The following CDAN1 variants were observed in gnomAD, a reference collection of about 807,000 sequenced individuals.
CDAN1 encodes the protein codanin 1.
A neutral mutation model predicts 139.8 loss-of-function variants in CDAN1; 107 were observed. That is an observed-to-expected ratio of 0.77 (90% CI 0.65 to 0.90). The LOEUF is 0.90. CDAN1 is among the 40% of genes least tolerant of loss of function. The pLI is 0.00. For missense variants in CDAN1, 1,667 were observed against 1,575.7 expected, an observed-to-expected ratio of 1.06 and a Z score of -0.98; for synonymous variants, 776 against 660.6, an observed-to-expected ratio of 1.17 and a Z score of -2.68.
Position 42,730,756 on chromosome 15 carries a change from C to T in CDAN1, c.2016G>A (p.Pro672=), listed in dbSNP as rs371799686. Residue 672 remains proline, a synonymous_variant, in exon 14 of 28, where the codon CCG becomes CCA. Transcript: ENST00000356231. Reference sequence around the variant, plus strand: ...GCAGCAGAGTCCGCACATCCAGGACCGGAGGGACCTGGGAGGGCCAGAGCT... The same window carrying T: ...GCAGCAGAGTCCGCACATCCAGGACTGGAGGGACCTGGGAGGGCCAGAGCT... The part of the protein sequence containing the change: ...SILALRSQVP[P]VLDVRTLLQR... 378 of 1,612,032 alleles carry T rather than the reference C, an allele frequency of 2.3e-4. No individual in the cohort carries two copies. The highest frequency in any genetic ancestry group is 2.9e-4 in the Non-Finnish European group (343 of 1,179,014).
In CDAN1 at chr15:42,731,625, G is replaced by A; in HGVS notation, c.1734C>T (p.Ala578=). The change falls in exon 11 of 28, where the codon GCC becomes GCT. Residue 578 remains alanine, a synonymous_variant. Transcript: ENST00000356231. The part of the protein sequence containing the change: ...QGFFRDFILS[A]SSFQFNQHLM... ...CAAGACACAGGGGAGCCTACCTGCT[G>A]GCACTAAGGATGAAGTCCCTAAAGA... 1.9e-6 allele frequency: 3 copies of A among 1,613,998 alleles called. No individual in the cohort carries two copies. The highest frequency in any genetic ancestry group is 2.2e-5 in the East Asian group (1 of 44,880).
intron 18 of CDAN1, 38 bp from the exon 19 acceptor site, chr15:42,729,164 G>A (rs2061574176): frequency 6.2e-7 from 1 of 1,613,184 alleles, no homozygotes; most frequent in African/African-American, 1.3e-5. Context: ...GCTTCCTCCA[G>A]CCTCCCTGTC....
intron 8 of CDAN1, 83 bp from the exon 9 acceptor site, chr15:42,733,269 A>G (rs1441782808): frequency 9.3e-7 from 1 of 1,069,544 alleles, no homozygotes. Flanking sequence ...TCCGTAGCCC[A>G]CCCACCACCT....
chr15:42,724,929 G>A, intron 27 of CDAN1: 1 of 641,238 alleles, frequency 1.6e-6, no homozygotes, highest in Non-Finnish European at 2.8e-6. Context: ...ATAATGGGCT[G>A]TGCTGCTTTC....
intron 23 of CDAN1, chr15:42,726,917 G>A (rs1327257259): frequency 1.7e-5 from 3 of 177,030 alleles, no homozygotes; most frequent in Admixed American, 1.6e-4. Context: ...TTTAGTCATT[G>A]TACCTTATAG....
chr15:42,731,508 C>A, intron 11 of CDAN1, 112 bp downstream of exon 11: 1 of 1,428,696 alleles, frequency 7.0e-7, no homozygotes, highest in Non-Finnish European at 9.9e-7. Flanking sequence ...CAAGTTGGAG[C>A]TGGAAGGAGC....
chr15:42,733,835 C>CGAG, intron 8 of CDAN1, 103 bp downstream of exon 8: 1 of 854,484 alleles, frequency 1.2e-6, no homozygotes, highest in Admixed American at 2.0e-5. Context: ...ACTAACCCAC[C>CGAG]ACCTGTTGGT....
In CDAN1 at chr15:42,734,040, A is replaced by G. The variant is rs1422155038; in HGVS notation, c.1265T>C (p.Leu422Pro). 1 of 1,613,372 alleles carries G rather than the reference A, an allele frequency of 6.2e-7. No individual in the cohort carries two copies. Among genetic ancestry groups the G allele is most frequent in the Non-Finnish European group, 8.5e-7 (1 of 1,179,250 alleles). Residue 422 changes from leucine (L) to proline (P), a missense_variant, in exon 8 of 28, where the codon CTG becomes CCG. Physicochemically the swap from Leu to Pro is moderately conservative, Grantham distance 98. Around this residue, in one of 3 missense-constraint regions of CDAN1, gnomAD observed 244 missense variants for 309.4 expected, o/e 0.79. Transcript: ENST00000356231. The stretch of plus-strand genomic sequence containing the variant: ...AGCTTGAGTAGAGGGAGGCATCACC[A>G]GAGAGACCTAAAATACAGCAGGAAC... Reference protein sequence around the residue: ...AYEGSVAKVSLVMPPSTQAVS... With the variant: ...AYEGSVAKVSPVMPPSTQAVS...
intron 23 of CDAN1, 116 bp downstream of exon 23, chr15:42,727,505 G>C (rs148967715): frequency 2.1e-6 from 2 of 961,044 alleles, no homozygotes; most frequent in African/African-American, 1.6e-5. Flanking sequence ...GGACTAGCTG[G>C]ACAGCACAGA....
intron 11 of CDAN1, 136 bp downstream of exon 11, chr15:42,731,484 T>A: frequency 1.4e-6 from 2 of 1,400,254 alleles, no homozygotes; most frequent in Non-Finnish European, 2.0e-6. Context: ...GAATGAGAAG[T>A]GCAATGAAGC....
Position 42,736,791 on chromosome 15 carries a change from A to G in CDAN1, c.91-11T>C. 1 of 1,524,826 alleles carries G rather than the reference A, an allele frequency of 6.6e-7. No individual in the cohort carries two copies. Among genetic ancestry groups the G allele is most frequent in the Non-Finnish European group, 8.7e-7 (1 of 1,142,888 alleles). 94.5% of individuals were successfully genotyped at this position (1,524,826 alleles called of 1,614,324 possible). On this transcript the variant is annotated splice_polypyrimidine_tract_variant and intron_variant, in intron 1 of 27. Coordinates refer to ENST00000356231, the MANE Select transcript of CDAN1 (RefSeq NM_138477.4). ...CTCCCCAGCGTTATCCTAGGGCAGAAGCACAGGTGGAGGGGCGAGAGGGTC... is the reference window on the plus strand; with the variant it reads ...CTCCCCAGCGTTATCCTAGGGCAGAGGCACAGGTGGAGGGGCGAGAGGGTC...
Position 42,725,289 on chromosome 15 carries a change from G to A in CDAN1, c.3451-38C>T, listed in dbSNP as rs199778489. 42 of 1,575,784 alleles carry A rather than the reference G, an allele frequency of 2.7e-5. No individual in the cohort carries two copies. The African/African-American group carries it at 4.7e-4, about 18-fold the overall frequency. On this transcript the variant is annotated intron_variant, in intron 26 of 27. Transcript: ENST00000356231. ...CCGAGGTCAGGGTTGCTAGGAGGAC[G>A]ACAGAGTGACCCTGATGACAGAGAT...
At position 42,736,388 on chromosome 15, in the gene CDAN1, G is replaced by C. The variant is rs372759056; in HGVS notation, c.483C>G (p.Arg161=). ...RRLRGSGSPS[R]PSLTLSDPPN... ...GCGGATCAGACAGCGTGAGGCTGGG[G>C]CGGCTGGGGCTGCCAGAGCCCCTAA... Residue 161 remains arginine (R), a synonymous_variant, in exon 2 of 28, where the codon CGC becomes CGG. Coordinates refer to ENST00000356231, the MANE Select transcript of CDAN1 (RefSeq NM_138477.4). 10 of 1,612,958 alleles carry C rather than the reference G, an allele frequency of 6.2e-6. No homozygotes were observed. The South Asian group carries it at 1.1e-4, about 18-fold the overall frequency.
chr15:42,735,496 C>T lies in CDAN1; in HGVS notation c.943+14G>A, dbSNP rs376917557. The T allele has an allele frequency of 1.2e-6, 2 of 1,614,082 alleles. No individual in the cohort carries two copies. The highest frequency in any genetic ancestry group is 1.3e-5 in the African/African-American group (1 of 74,938). ...ACAAGTGTCTCCACTCCCGCTCCCT[C>T]CGCTCTCACTCACCAGCAATGCACG... On this transcript the variant is annotated intron_variant, in intron 4 of 27. Coordinates refer to ENST00000356231, the MANE Select transcript of CDAN1 (RefSeq NM_138477.4).
At position 42,728,739 on chromosome 15, in the gene CDAN1, TCTCC is replaced by T; in HGVS notation, c.2713_2716del (p.Gly905ArgfsTer53). On this transcript the variant is annotated frameshift_variant, in exon 20 of 28. Coordinates refer to ENST00000356231, the MANE Select transcript of CDAN1 (RefSeq NM_138477.4). LOFTEE classifies it high-confidence loss of function. ...CAGCTGGGCTGGGTCTCCCCCTTCCTCTCCCTGTGTCACCAGCTGCTCTTGGAGA... is the reference window on the plus strand; with the variant it reads ...CAGCTGGGCTGGGTCTCCCCCTTCCTCTGTGTCACCAGCTGCTCTTGGAGA... 6.2e-7 allele frequency: 1 copy of T among 1,614,098 alleles called. No individual in the cohort carries two copies. The highest frequency in any genetic ancestry group is 1.1e-5 in the South Asian group (1 of 91,078).
chr15:42,728,116 C>T (rs2061556858), intron 21 of CDAN1, 83 bp from the exon 22 acceptor site: 3 of 1,582,302 alleles, frequency 1.9e-6, no homozygotes, highest in African/African-American at 2.7e-5. Context: ...TGACCCCGCC[C>T]CCACACACCC....
At chr15:42,728,600 A>G (rs564104534) in intron 20 of CDAN1, 52 bp downstream of exon 20, 58 of 1,609,164 alleles carry the variant, frequency 3.6e-5, no homozygotes, top group African/African-American at 5.3e-5. Flanking sequence ...GAGGAAAGAA[A>G]GGACAGAGAA....
At chr15:42,728,983 T>C (rs754845295) in intron 19 of CDAN1, 40 bp downstream of exon 19, 40 of 1,602,546 alleles carry the variant, frequency 2.5e-5, no homozygotes, top group Non-Finnish European at 3.2e-5. Flanking sequence ...GGGGAAAAAA[T>C]GGTAGGGCGA....
At position 42,732,397 on chromosome 15, in the gene CDAN1, C is replaced by G; in HGVS notation, c.1469G>C (p.Gly490Ala). The G allele has an allele frequency of 6.2e-7, 1 of 1,613,922 alleles. No individual in the cohort carries two copies. The highest frequency in any genetic ancestry group is 8.5e-7 in the Non-Finnish European group (1 of 1,179,904). The change falls in exon 10 of 28, where the codon GGT becomes GCT. Residue 490 changes from glycine (G) to alanine (A), a missense_variant. Transcript: ENST00000356231. ...GTGGCTGCAGGCTGCGGAGAGCTGACCCATCATGGCCCTGAGGAATAGAAG... is the reference window on the plus strand; with the variant it reads ...GTGGCTGCAGGCTGCGGAGAGCTGAGCCATCATGGCCCTGAGGAATAGAAG... Reference protein sequence around the residue: ...GLGSRIRAMMGQLSAACSHSH... With the variant: ...GLGSRIRAMMAQLSAACSHSH...
Sources: allele counts gnomAD v4.1 joint callset, GRCh38; gene constraint gnomAD v4.1.1; regional missense constraint gnomAD v4.1.1; transcripts MANE v1.5; gene names NCBI Gene and HGNC (gene_info 2026-07-23, HGNC 2026-07-21).